Variants in OMA1 observed in about 807,000 individuals in gnomAD.
OMA1 encodes OMA1 zinc metallopeptidase, also known as metalloendopeptidase OMA1, mitochondrial.
Under a neutral mutation model 30.9 loss-of-function variants are expected in OMA1, and 38 were observed. The ratio of observed to expected loss-of-function variants is 1.23; its 90% confidence interval spans 0.95 to 1.61. The LOEUF is 1.61. Ranked by LOEUF, OMA1 falls within the 40% of genes most tolerant of loss-of-function variation. The pLI is 0.00. For missense variants in OMA1, 461 were observed against 349.2 expected, an observed-to-expected ratio of 1.32 and a Z score of -2.55; for synonymous variants, 173 against 121.9, an observed-to-expected ratio of 1.42 and a Z score of -2.76.
intron 2 of OMA1, among the ~76,000 whole-genome samples, chr1:58,537,493 T>G (rs1004262633): frequency 1.3e-5 from 2 of 152,014 alleles, no homozygotes; most frequent in African/African-American, 2.4e-5. Context: ...AAGTGGGAGA[T>G]TTTATAGATA....
intron 7 of OMA1, among the ~76,000 whole-genome samples, chr1:58,508,492 A>G (rs1436655426): frequency 1.3e-5 from 2 of 152,186 alleles, no homozygotes; most frequent in South Asian, 4.1e-4. Flanking sequence ...CAAACCTGGT[A>G]GAAGACTGGA....
At chr1:58,499,313 A>AC (rs1491459229) in intron 8 of OMA1, among the ~76,000 whole-genome samples, 3 of 114,850 alleles carry the variant, frequency 2.6e-5, no homozygotes, top group Non-Finnish European at 5.4e-5. Flanking sequence ...CCACATCTCT[A>AC]CAAAAAAAAA....
At chr1:58,542,599 T>A (rs1646639336) in intron 1 of OMA1, 1 of 152,208 alleles carries the variant, frequency 6.6e-6, no homozygotes, top group African/African-American at 2.4e-5. Flanking sequence ...AAGAACTGTT[T>A]TAAATGGGAA....
At chr1:58,510,643 GA>G (rs1410689149) in intron 7 of OMA1, among the ~76,000 whole-genome samples, 3 of 151,900 alleles carry the variant, frequency 2.0e-5, no homozygotes, top group Non-Finnish European at 4.4e-5. Context: ...GCAAGAGAAA[GA>G]AATAAAAGGC....
intron 7 of OMA1, among the ~76,000 whole-genome samples, chr1:58,518,358 GGGA>G (rs1646205720): frequency 7.0e-6 from 1 of 141,934 alleles, no homozygotes; most frequent in South Asian, 2.3e-4. Flanking sequence ...GAGAAGGGAA[GGGA>G]AGAGAAGAGA....
intron 8 of OMA1, among the ~76,000 whole-genome samples, chr1:58,492,099 G>C (rs1430688137): frequency 9.9e-5 from 15 of 152,100 alleles, no homozygotes; most frequent in Non-Finnish European, 1.9e-4. Flanking sequence ...TAGAACTCAG[G>C]ATTAAGAAAC....
chr1:58,541,744 G>C (rs1400926716), intron 1 of OMA1: 1 of 147,340 alleles, frequency 6.8e-6, no homozygotes, highest in Non-Finnish European at 1.5e-5. Flanking sequence ...ATAATATTGT[G>C]GTTATCTGAC....
chr1:58,529,149 T>C (rs1210436841), intron 6 of OMA1, among the ~76,000 whole-genome samples: 1 of 152,186 alleles, frequency 6.6e-6, no homozygotes, highest in Non-Finnish European at 1.5e-5. Context: ...AACCTTTACT[T>C]CAATATAAAT....
chr1:58,538,459 C>T lies in OMA1; in HGVS notation c.500+336G>A, dbSNP rs192845951. ...TAAGTGATAACCAGCACTTCTGATC[C>T]ATATATCCTAAGATTTTGTAGTCAT... On this transcript the variant is annotated intron_variant, in intron 2 of 8. Coordinates refer to ENST00000371226, the MANE Select transcript of OMA1 (RefSeq NM_145243.5). Among the ~76,000 whole-genome samples, 278 of 152,116 alleles carry T rather than the reference C, an allele frequency of 1.8e-3. 1 individual carries two copies. The highest frequency in any genetic ancestry group is 3.3e-3 in the Admixed American group (50 of 15,284).
At position 58,527,248 on chromosome 1, in the gene OMA1, C is replaced by T; in HGVS notation, c.1215+13G>A. The T allele has an allele frequency of 1.1e-6, 1 of 871,972 alleles. No homozygotes were observed. The allele number at this position is 871,972 out of a possible 1,614,324, so 54.0% of individuals were successfully genotyped here. On this transcript the variant is annotated intron_variant, in intron 7 of 8. Transcript: ENST00000371226. ...GAAGGGCATTATGTATTCTCAACTA[C>T]TAAACACTTTACCTTTGCAGCAAGC...
chr1:58,522,315 C>G (rs1319453268), intron 7 of OMA1, among the ~76,000 whole-genome samples: 2 of 151,874 alleles, frequency 1.3e-5, no homozygotes, highest in African/African-American at 4.8e-5. Flanking sequence ...TACCCTGGAA[C>G]TTTAAAGTTG....
intron 8 of OMA1, among the ~76,000 whole-genome samples, chr1:58,496,009 A>C (rs922623249): frequency 2.0e-5 from 3 of 152,178 alleles, no homozygotes; most frequent in Admixed American, 1.3e-4. Flanking sequence ...TACTCTGGGA[A>C]TCTCCTAAAA....
intron 8 of OMA1, among the ~76,000 whole-genome samples, chr1:58,487,908 C>T (rs1347389841): frequency 6.6e-6 from 1 of 151,452 alleles, no homozygotes; most frequent in African/African-American, 2.4e-5. Flanking sequence ...TACCGTACCT[C>T]TTCTCCTGAT....
At chr1:58,504,786 T>G (rs930166769) in intron 8 of OMA1, among the ~76,000 whole-genome samples, 1 of 152,230 alleles carries the variant, frequency 6.6e-6, no homozygotes, top group South Asian at 2.1e-4. Flanking sequence ...ATTTTTCTTA[T>G]GATAAATCAT....
At chr1:58,482,788 G>C (rs374838375) in intron 8 of OMA1, among the ~76,000 whole-genome samples, 3 of 152,116 alleles carry the variant, frequency 2.0e-5, no homozygotes, top group African/African-American at 7.2e-5. Context: ...AGATGGGAGC[G>C]TGCCTGGGGT....
chr1:58,499,908 T>C (rs1054395637), intron 8 of OMA1, among the ~76,000 whole-genome samples: 4 of 152,082 alleles, frequency 2.6e-5, no homozygotes, highest in East Asian at 1.9e-4. Flanking sequence ...AGGTATTACA[T>C]ATCAAGTAAA....
chr1:58,534,269 T>C lies in OMA1; in HGVS notation c.792A>G (p.Lys264=), dbSNP rs1336428482. The C allele has an allele frequency of 1.1e-6, 1 of 871,250 alleles. No individual in the cohort carries two copies. The highest frequency in any genetic ancestry group is 1.6e-5 in the African/African-American group (1 of 61,298). The allele number at this position is 871,250 out of a possible 1,614,324, so 54.0% of individuals were successfully genotyped here. Residue 264 remains lysine, a synonymous_variant, in exon 4 of 9, where the codon AAA becomes AAG. Coordinates refer to ENST00000371226, the MANE Select transcript of OMA1 (RefSeq NM_145243.5). ...TEKDARYLAV[K]EVLCHLIECN... ...ATTCAATTAGATGACAAAGCACTTC[T>C]TTAACAGCCAGGTATCGGGCATCTT...
Position 58,480,927 on chromosome 1 carries a change from A to G in OMA1, c.*38T>C, listed in dbSNP as rs1049045104. 1.2e-6 allele frequency: 1 copy of G among 832,648 alleles called. No individual in the cohort carries two copies. The highest frequency in any genetic ancestry group is 1.8e-5 in the Admixed American group (1 of 54,572). The allele number at this position is 832,648 out of a possible 1,614,324, so 51.6% of individuals were successfully genotyped here. The stretch of plus-strand genomic sequence containing the variant: ...AGTAACATAAAATGATAAGGACTGC[A>G]ACATTCTTCATATATCTTGTGTCTC... On this transcript the variant is annotated 3_prime_UTR_variant, in exon 9 of 9. Coordinates refer to ENST00000371226, the MANE Select transcript of OMA1 (RefSeq NM_145243.5).
Position 58,509,545 on chromosome 1 carries a change from A to AG in OMA1, c.1216-3337_1216-3336insC, listed in dbSNP as rs1246046329. 7.3e-5 allele frequency among the ~76,000 whole-genome samples: 11 copies of AG among 151,648 alleles called. No individual in the cohort carries two copies. The South Asian group carries it at 1.9e-3, about 26-fold the overall frequency. ...TGATAAACACCTACATTAAAAAAAA[A>AG]AAGAAGAAAGCAAGCAAATAAACTA... is the stretch of plus-strand genomic sequence containing the variant. On this transcript the variant is annotated intron_variant, in intron 7 of 8. Transcript: ENST00000371226.
Sources: allele counts gnomAD v4.1 joint callset (sites outside exome capture counted in the v4.1 genomes callset), GRCh38; gene constraint gnomAD v4.1.1; transcripts MANE v1.5; gene names NCBI Gene and HGNC (gene_info 2026-07-23, HGNC 2026-07-21).